ARHGAP10: variants seen among roughly 807,000 people sequenced by gnomAD.
ARHGAP10 encodes the protein rho GTPase-activating protein 10.
Under a neutral mutation model 108.6 loss-of-function variants are expected in ARHGAP10, and 87 were observed. That is an observed-to-expected ratio of 0.80 (90% CI 0.67 to 0.96). ARHGAP10 has a LOEUF of 0.96. Among genes scored for constraint, ARHGAP10 ranks in the 40% least tolerant of loss-of-function variants. ARHGAP10 has a pLI of 0.00. For synonymous variants in ARHGAP10, 347 were observed against 341.1 expected, an observed-to-expected ratio of 1.02 and a Z score of -0.19; for missense variants, 939 against 954.5, an observed-to-expected ratio of 0.98 and a Z score of 0.21.
At chr4:147,850,035 A>G (rs148943062) in intron 4 of ARHGAP10, among the ~76,000 whole-genome samples, 1 of 152,206 alleles carries the variant, frequency 6.6e-6, no homozygotes, top group Non-Finnish European at 1.5e-5. Flanking sequence ...GTATCTAGCC[A>G]AAGGTTTGTA....
Position 148,071,982 on chromosome 4 carries a change from T to C in ARHGAP10, c.2273-11T>C. ...GCATTTTGTAAAAGTGATTTTTCTC[T>C]TCCTTTTCAGTACAAACCTCCAGGG... On this transcript the variant is annotated splice_polypyrimidine_tract_variant and intron_variant, in intron 22 of 22. Coordinates refer to ENST00000336498, the MANE Select transcript of ARHGAP10 (RefSeq NM_024605.4). The C allele has an allele frequency of 6.2e-7, 1 of 1,610,536 alleles. No individual in the cohort carries two copies. The highest frequency in any genetic ancestry group is 8.5e-7 in the Non-Finnish European group (1 of 1,178,524).
chr4:147,967,044 G>T (rs1055232925), intron 18 of ARHGAP10, among the ~76,000 whole-genome samples: 1 of 152,140 alleles, frequency 6.6e-6, no homozygotes, highest in East Asian at 1.9e-4. Context: ...CTGGTCTTTT[G>T]TTATCTCCCT....
intron 18 of ARHGAP10, among the ~76,000 whole-genome samples, chr4:148,004,807 G>A (rs1740879820): frequency 6.6e-6 from 1 of 152,220 alleles, no homozygotes. Flanking sequence ...GACCTCCAGA[G>A]CAGAAGACAC....
At chr4:147,761,998 A>G (rs1729609406) in intron 1 of ARHGAP10, among the ~76,000 whole-genome samples, 1 of 152,054 alleles carries the variant, frequency 6.6e-6, no homozygotes, top group Admixed American at 6.6e-5. Context: ...TTAGAAATTC[A>G]TTCCCTCTTT....
At chr4:147,876,569 G>C (rs1359418571) in intron 8 of ARHGAP10, among the ~76,000 whole-genome samples, 3 of 151,960 alleles carry the variant, frequency 2.0e-5, no homozygotes, top group Non-Finnish European at 4.4e-5. Context: ...CTCCAGCCTG[G>C]GTGACAAAGC....
intron 1 of ARHGAP10, among the ~76,000 whole-genome samples, chr4:147,753,867 T>G (rs965908102): frequency 3.3e-5 from 5 of 152,122 alleles, no homozygotes; most frequent in Admixed American, 3.3e-4. Flanking sequence ...TGTATGAGAG[T>G]CCTTCCTCTT....
At chr4:147,906,175 A>G (rs1736480897) in intron 10 of ARHGAP10, among the ~76,000 whole-genome samples, 1 of 152,096 alleles carries the variant, frequency 6.6e-6, no homozygotes, top group Non-Finnish European at 1.5e-5. Flanking sequence ...CATTAATTCC[A>G]TTTCTTGATA....
At chr4:147,739,863 G>A (rs1194484220) in intron 1 of ARHGAP10, among the ~76,000 whole-genome samples, 2 of 150,780 alleles carry the variant, frequency 1.3e-5, no homozygotes, top group Non-Finnish European at 2.9e-5. Context: ...AGCCTCCCAA[G>A]TAGCTGGGAT....
intron 18 of ARHGAP10, among the ~76,000 whole-genome samples, chr4:148,012,121 A>G (rs983552916): frequency 1.1e-4 from 16 of 152,188 alleles, no homozygotes; most frequent in Admixed American, 9.2e-4. Flanking sequence ...TTCTATGCCT[A>G]TTATCCTGAC....
chr4:147,989,632 C>A (rs969800485), intron 18 of ARHGAP10, among the ~76,000 whole-genome samples: 3 of 152,194 alleles, frequency 2.0e-5, no homozygotes, highest in African/African-American at 7.2e-5. Context: ...CTCTGTTCTG[C>A]CCAGCTCACC....
In ARHGAP10 at chr4:147,780,323, C is replaced by G. The variant is rs575861971; in HGVS notation, c.155-42404C>G. Among the ~76,000 whole-genome samples, 6 of 152,232 alleles carry G rather than the reference C, an allele frequency of 3.9e-5. No individual in the cohort carries two copies. The South Asian group carries it at 1.2e-3, about 32-fold the overall frequency. On this transcript the variant is annotated intron_variant, in intron 1 of 22. Transcript: ENST00000336498. The stretch of plus-strand genomic sequence containing the variant: ...TTAGGTGACAGATTCTGCCCTACCT[C>G]TCCTCTCCTACCCAGTATCTAGCTA...
intron 18 of ARHGAP10, among the ~76,000 whole-genome samples, chr4:147,974,380 C>T (rs543174596): frequency 1.3e-5 from 2 of 152,084 alleles, no homozygotes; most frequent in Non-Finnish European, 2.9e-5. Flanking sequence ...CATCTCCCCC[C>T]ACTTCCTAAG....
chr4:147,856,863 G>T (rs1365655882), intron 4 of ARHGAP10, among the ~76,000 whole-genome samples: 1 of 152,062 alleles, frequency 6.6e-6, no homozygotes, highest in African/African-American at 2.4e-5. Context: ...AAAACATACT[G>T]ATTGATTGAG....
At chr4:147,761,191 A>G (rs913987834) in intron 1 of ARHGAP10, among the ~76,000 whole-genome samples, 1 of 151,604 alleles carries the variant, frequency 6.6e-6, no homozygotes, top group Non-Finnish European at 1.5e-5. Context: ...TGATTTTTAA[A>G]TTTTTTGTAG....
chr4:148,058,770 C>T (rs1729473958), intron 20 of ARHGAP10, among the ~76,000 whole-genome samples: 1 of 152,236 alleles, frequency 6.6e-6, no homozygotes, highest in Non-Finnish European at 1.5e-5. Flanking sequence ...ATATACAGCA[C>T]TGTCATAATT....
chr4:147,808,072 A>G (rs1051561012), intron 1 of ARHGAP10, among the ~76,000 whole-genome samples: 1 of 152,226 alleles, frequency 6.6e-6, no homozygotes, highest in Non-Finnish European at 1.5e-5. Context: ...TCAGTAATCT[A>G]CCGATTTAGA....
At chr4:147,844,583 G>T (rs1733559311) in intron 3 of ARHGAP10, among the ~76,000 whole-genome samples, 1 of 152,154 alleles carries the variant, frequency 6.6e-6, no homozygotes, top group Non-Finnish European at 1.5e-5. Context: ...AACATGTGAT[G>T]CTTGTCTGTC....
At chr4:147,762,671 A>G (rs958404112) in intron 1 of ARHGAP10, among the ~76,000 whole-genome samples, 5 of 151,706 alleles carry the variant, frequency 3.3e-5, no homozygotes, top group African/African-American at 4.9e-5. Flanking sequence ...CTGGGACTAC[A>G]GGTGCCTGCC....
At chr4:147,977,343 G>T (rs1304342956) in intron 18 of ARHGAP10, among the ~76,000 whole-genome samples, 3 of 152,200 alleles carry the variant, frequency 2.0e-5, no homozygotes, top group Admixed American at 1.3e-4. Flanking sequence ...GCCTTTTCTT[G>T]AGGGGAGAGG....
Sources: gnomAD v4.1 joint callset for allele counts (sites outside exome capture counted in the v4.1 genomes callset) on GRCh38, gnomAD v4.1.1 for gene constraint, MANE v1.5 for transcripts, NCBI Gene and HGNC (gene_info 2026-07-23, HGNC 2026-07-21) for gene names.